LARS2: variants seen among roughly 807,000 people sequenced by gnomAD.
The protein encoded by LARS2 is leucine--tRNA ligase, mitochondrial.
LARS2 carries 81 observed loss-of-function variants against 116.6 expected under a neutral mutation model. The ratio of observed to expected loss-of-function variants is 0.69; its 90% CI spans 0.58 to 0.84. The LOEUF is 0.84. Among genes scored for constraint, LARS2 ranks in the 40% least tolerant of loss-of-function variants. LARS2 has a pLI of 0.00. For synonymous variants in LARS2, 396 were observed against 407.2 expected, an observed-to-expected ratio of 0.97 and a Z score of 0.33; for missense variants, 968 against 1,114.5, an observed-to-expected ratio of 0.87 and a Z score of 1.87.
At chr3:45,442,581 TAG>T (rs1390755938) in intron 6 of LARS2, among the ~76,000 whole-genome samples, 4 of 152,176 alleles carry the variant, frequency 2.6e-5, no homozygotes, top group Non-Finnish European at 4.4e-5. Flanking sequence ...GCACACATAA[TAG>T]AGTTTCAGAA....
rs1393562575 is a variant in LARS2 at position 45,394,572 on chromosome 3, T to C, written c.119T>C (p.Ile40Thr). ...GTAATTCCCGGATGTACCAGAAGCA[T>C]CTACAGTGCCACGGGAAAGTGGACA... is the stretch of plus-strand genomic sequence containing the variant. Reference protein sequence around the residue: ...RRVIPGCTRSIYSATGKWTKE... With the variant: ...RRVIPGCTRSTYSATGKWTKE... Residue 40 changes from isoleucine to threonine, a missense_variant, in exon 3 of 22, where the codon ATC becomes ACC. By Grantham distance (89) the Ile-to-Thr change is moderately conservative (BLOSUM62 -1). Coordinates refer to ENST00000645846, the MANE Select transcript of LARS2 (RefSeq NM_015340.4). 1 of 1,614,062 alleles carries C rather than the reference T, an allele frequency of 6.2e-7. No homozygotes were observed. Among genetic ancestry groups the C allele is most frequent in the Non-Finnish European group, 8.5e-7 (1 of 1,179,950 alleles).
rs145256586 is a variant in LARS2 at position 45,403,636 on chromosome 3, G to C, written c.363+3263G>C. Among the ~76,000 whole-genome samples, 517 of 152,300 alleles carry C rather than the reference G, an allele frequency of 3.4e-3. 1 individual carries two copies. The highest frequency in any genetic ancestry group is 0.012 in the African/African-American group (510 of 41,568). On this transcript the variant is annotated intron_variant, in intron 4 of 21. Coordinates refer to ENST00000645846, the MANE Select transcript of LARS2 (RefSeq NM_015340.4). ...TGCAGGGAAGCCTGTTAGCAAAACA[G>C]GTGGTTGAGGGGCTTGTAGGTGGGA...
At chr3:45,445,228 C>T (rs1698999668) in intron 6 of LARS2, among the ~76,000 whole-genome samples, 1 of 152,116 alleles carries the variant, frequency 6.6e-6, no homozygotes, top group Non-Finnish European at 1.5e-5. Context: ...CCTCAATGTG[C>T]CAGGACCTGA....
At chr3:45,479,661 G>A (rs371926280) in intron 10 of LARS2, among the ~76,000 whole-genome samples, 33 of 152,214 alleles carry the variant, frequency 2.2e-4, no homozygotes, top group African/African-American at 7.2e-4. Flanking sequence ...AATCGTTGAC[G>A]TCGCCTCCTT....
intron 8 of LARS2, among the ~76,000 whole-genome samples, chr3:45,459,326 T>C (rs1041671190): frequency 1.3e-5 from 2 of 152,332 alleles, no homozygotes; most frequent in East Asian, 3.9e-4. Context: ...TTGGTGCATG[T>C]CTTTCCCACC....
intron 15 of LARS2, among the ~76,000 whole-genome samples, chr3:45,510,914 C>T (rs1025379591): frequency 1.3e-5 from 2 of 152,234 alleles, no homozygotes; most frequent in Non-Finnish European, 1.5e-5. Flanking sequence ...GTGCCTAGCT[C>T]AGTGCCAGGC....
At chr3:45,406,305 A>T (rs1368224155) in intron 4 of LARS2, among the ~76,000 whole-genome samples, 1 of 152,148 alleles carries the variant, frequency 6.6e-6, no homozygotes, top group Non-Finnish European at 1.5e-5. Context: ...GAGTTTGCTA[A>T]AAAGGCAGGT....
intron 2 of LARS2, among the ~76,000 whole-genome samples, chr3:45,392,395 A>C (rs1396938839): frequency 6.6e-6 from 1 of 151,390 alleles, no homozygotes; most frequent in Non-Finnish European, 1.5e-5. Context: ...CCCAGGTTCA[A>C]GTTATTCCTC....
At chr3:45,536,397 C>T (rs1215224518) in intron 20 of LARS2, among the ~76,000 whole-genome samples, 2 of 152,244 alleles carry the variant, frequency 1.3e-5, no homozygotes, top group Non-Finnish European at 2.9e-5. Flanking sequence ...GCGTGAGCCA[C>T]CACACCTGGT....
chr3:45,442,982 T>C (rs1344849068), intron 6 of LARS2, among the ~76,000 whole-genome samples: 2 of 152,176 alleles, frequency 1.3e-5, no homozygotes, highest in Admixed American at 6.5e-5. Flanking sequence ...TTGTTCACTA[T>C]AGGTTTTTAA....
chr3:45,422,141 A>G (rs1158068901), intron 6 of LARS2: 1 of 152,194 alleles, frequency 6.6e-6, no homozygotes, highest in Non-Finnish European at 1.5e-5. Flanking sequence ...TACCCTCCAT[A>G]AAGGCTATAC....
At chr3:45,411,259 C>T (rs1437443937) in intron 4 of LARS2, among the ~76,000 whole-genome samples, 2 of 152,230 alleles carry the variant, frequency 1.3e-5, no homozygotes, top group Non-Finnish European at 2.9e-5. Context: ...ATTCAGCACA[C>T]ATTCAATGAC....
chr3:45,389,767 C>T (rs1034766369), intron 1 of LARS2, among the ~76,000 whole-genome samples: 2 of 152,218 alleles, frequency 1.3e-5, no homozygotes, highest in African/African-American at 4.8e-5. Flanking sequence ...ACATGAGCCA[C>T]ACCTTTCACA....
At chr3:45,542,085 C>A in intron 21 of LARS2, 129 bp downstream of exon 21, 2 of 1,197,910 alleles carry the variant, frequency 1.7e-6, no homozygotes, top group South Asian at 1.5e-5. Flanking sequence ...CTCAGCCACA[C>A]CTTGTGACCG....
rs17638301 is a variant in LARS2, at chr3:45,419,991, A to G, written c.516+262A>G. Among the ~76,000 whole-genome samples the G allele has an allele frequency of 0.12, 17,972 of 152,282 alleles. 1,291 individuals carry two copies. The highest frequency in any genetic ancestry group is 0.19 in the Middle Eastern group (55 of 294). On this transcript the variant is annotated intron_variant, in intron 6 of 21. Coordinates refer to ENST00000645846, the MANE Select transcript of LARS2 (RefSeq NM_015340.4). ...TTCTGTGTGGCAAAAGCTTTGCACA[A>G]GGATTTCTCTAGTTCTCAGCAATAG...
At chr3:45,477,587 G>A (rs1217173114) in intron 10 of LARS2, among the ~76,000 whole-genome samples, 1 of 152,160 alleles carries the variant, frequency 6.6e-6, no homozygotes, top group Non-Finnish European at 1.5e-5. Flanking sequence ...AAACTTGAGG[G>A]CTCTTACCAG....
intron 20 of LARS2, among the ~76,000 whole-genome samples, chr3:45,537,504 C>G (rs1200540151): frequency 6.6e-6 from 1 of 152,200 alleles, no homozygotes; most frequent in Non-Finnish European, 1.5e-5. Context: ...AAGATACCCA[C>G]TGATGCTCTG....
At chr3:45,464,757 A>G (rs569689603) in intron 8 of LARS2, among the ~76,000 whole-genome samples, 1 of 152,322 alleles carries the variant, frequency 6.6e-6, no homozygotes, top group East Asian at 1.9e-4. Context: ...CAGAAGAGGC[A>G]AAATGACAGA....
chr3:45,503,303 A>G (rs1420146723), intron 15 of LARS2, among the ~76,000 whole-genome samples: 1 of 152,054 alleles, frequency 6.6e-6, no homozygotes, highest in Non-Finnish European at 1.5e-5. Context: ...AAGATAGGCA[A>G]GTTTCCTTGT....
Sources: gnomAD v4.1 joint callset for allele counts (sites outside exome capture counted in the v4.1 genomes callset) on GRCh38, gnomAD v4.1.1 for gene constraint, MANE v1.5 for transcripts, NCBI Gene and HGNC (gene_info 2026-07-23, HGNC 2026-07-21) for gene names.